The following ZNF410 variants were observed in gnomAD, a reference collection of about 807,000 sequenced individuals.
The protein encoded by ZNF410 is another partner for ARF 1.
In ZNF410, 18 loss-of-function variants were observed where a neutral mutation model predicts 54.8. That is an observed-to-expected ratio of 0.33 (90% CI 0.23 to 0.49). The LOEUF (loss-of-function observed/expected upper bound fraction) is 0.49, where lower values mean the gene tolerates loss of function less well. Among genes scored for constraint, ZNF410 ranks in the 20% least tolerant of loss-of-function variants. The probability of loss-of-function intolerance (pLI) is 0.99; values close to 1 mark genes in which losing one functional copy is unlikely to be tolerated. For missense variants in ZNF410, 405 were observed against 569.6 expected, an observed-to-expected ratio of 0.71 and a Z score of 2.94; for synonymous variants, 191 against 207.3, an observed-to-expected ratio of 0.92 and a Z score of 0.68.
chr14:73,905,968 C>CACACACACATATATAT (rs1461702433), intron 7 of ZNF410, among the ~76,000 whole-genome samples: 69 of 78,890 alleles, frequency 8.7e-4, no homozygotes, highest in African/African-American at 2.9e-3. Context: ...CACACACACA[C>CACACACACATATATAT]ATATATATAT....
chr14:73,906,286 G>C (rs1594754429), intron 7 of ZNF410: 1 of 151,590 alleles, frequency 6.6e-6, no homozygotes, highest in Non-Finnish European at 1.5e-5. Flanking sequence ...TTACAGGCTT[G>C]AGCCACTGTG....
chr14:73,931,721 C>A lies in ZNF410; in HGVS notation c.*180C>A. 1 of 619,978 alleles carries A rather than the reference C, an allele frequency of 1.6e-6. No homozygotes were observed. The allele number at this position is 619,978 out of a possible 1,614,324, so 38.4% of individuals were successfully genotyped here. A position where few individuals can be genotyped will look rare whatever the true frequency, so the allele number is the denominator to read the frequency against. On this transcript the variant is annotated 3_prime_UTR_variant, in exon 12 of 12. Coordinates refer to ENST00000555044, the MANE Select transcript of ZNF410 (RefSeq NM_021188.3). ...GGATGTAGGAGAGCTTCTTTTCTAA[C>A]TACCATCTGATCAGACAAGGAATGA...
At chr14:73,896,657 G>C in intron 4 of ZNF410, 123 bp downstream of exon 4, 1 of 752,992 alleles carries the variant, frequency 1.3e-6, no homozygotes, top group Non-Finnish European at 2.1e-6. Context: ...TTGGAGAATT[G>C]GTGTGTCTGG....
chr14:73,891,819 G>A, intron 1 of ZNF410: 1 of 566,664 alleles, frequency 1.8e-6, no homozygotes, highest in Non-Finnish European at 3.1e-6. Flanking sequence ...TAGATTATTA[G>A]AGGTTGAAAT....
chr14:73,892,301 G>A (rs1171630583), intron 2 of ZNF410, 93 bp downstream of exon 2: 2 of 1,200,016 alleles, frequency 1.7e-6, no homozygotes. Flanking sequence ...TTTCTTTAAT[G>A]GGCCAGATAA....
intron 5 of ZNF410, among the ~76,000 whole-genome samples, chr14:73,901,213 G>T (rs1322672448): frequency 6.6e-6 from 1 of 152,178 alleles, no homozygotes; most frequent in Non-Finnish European, 1.5e-5. Flanking sequence ...GGGAACATAG[G>T]CATCCACATT....
At chr14:73,923,635 A>C in intron 11 of ZNF410, 113 bp downstream of exon 11, 1 of 1,389,372 alleles carries the variant, frequency 7.2e-7, no homozygotes, top group Non-Finnish European at 9.8e-7. Flanking sequence ...TTTGGCACGA[A>C]TATTTTCCTT....
At chr14:73,928,642 G>C (rs1272371768) in intron 11 of ZNF410, among the ~76,000 whole-genome samples, 1 of 152,066 alleles carries the variant, frequency 6.6e-6, no homozygotes, top group East Asian at 1.9e-4. Flanking sequence ...GCATAACACA[G>C]GCTGCCTAAA....
intron 11 of ZNF410, among the ~76,000 whole-genome samples, chr14:73,924,509 T>G (rs775796723): frequency 2.6e-5 from 4 of 152,202 alleles, no homozygotes; most frequent in Admixed American, 6.5e-5. Flanking sequence ...TGCAAAGTGG[T>G]CAGTGTTTTA....
chr14:73,889,814 CG>C (rs2055198969), intron 1 of ZNF410, among the ~76,000 whole-genome samples: 3 of 114,790 alleles, frequency 2.6e-5, no homozygotes, highest in Admixed American at 1.9e-4. Flanking sequence ...TTTTTTTTCT[CG>C]ACACAGAGTC....
intron 11 of ZNF410, among the ~76,000 whole-genome samples, chr14:73,926,228 TAAC>T (rs1374972204): frequency 2.0e-5 from 3 of 152,212 alleles, no homozygotes; most frequent in Non-Finnish European, 4.4e-5. Flanking sequence ...CAAACAAAGA[TAAC>T]AATAATTTAT....
At chr14:73,920,730 T>G in intron 8 of ZNF410, 1 of 424,828 alleles carries the variant, frequency 2.4e-6, no homozygotes, top group Non-Finnish European at 4.3e-6. Context: ...AGAGGTTTTG[T>G]GAAGGCAGCA....
At position 73,909,706 on chromosome 14, in the gene ZNF410, A is replaced by G. The variant is rs2055548503; in HGVS notation, c.1003+276A>G. On this transcript the variant is annotated intron_variant, in intron 8 of 11. Transcript: ENST00000555044. Reference sequence around the variant, plus strand: ...TGTTTGGCACTCTGCTGGGTGCTTTATAAGTTACATAAAACATGGACCCTC... The same window carrying G: ...TGTTTGGCACTCTGCTGGGTGCTTTGTAAGTTACATAAAACATGGACCCTC... 4 of 287,876 alleles carry G rather than the reference A, an allele frequency of 1.4e-5. 1 individual carries two copies. The South Asian group carries it at 2.5e-4, about 18-fold the overall frequency. 17.8% of individuals were successfully genotyped at this position (287,876 alleles called of 1,614,324 possible). A position where few individuals can be genotyped will look rare whatever the true frequency, so the allele number is the denominator to read the frequency against.
chr14:73,909,810 C>T (rs1335164371), intron 8 of ZNF410, among the ~76,000 whole-genome samples: 1 of 152,186 alleles, frequency 6.6e-6, no homozygotes, highest in Non-Finnish European at 1.5e-5. Flanking sequence ...TAAGTTGTAG[C>T]AGCACCAGTA....
At chr14:73,922,397 TA>T in intron 10 of ZNF410, 191 bp downstream of exon 10, 1 of 442,210 alleles carries the variant, frequency 2.3e-6, no homozygotes, top group Non-Finnish European at 3.7e-6. Context: ...TCATTGAAGA[TA>T]ATATAATAAA....
chr14:73,904,659 A>G (rs944812169), intron 6 of ZNF410, among the ~76,000 whole-genome samples: 3 of 152,082 alleles, frequency 2.0e-5, no homozygotes, highest in East Asian at 1.9e-4. Flanking sequence ...GGGTCTCGCT[A>G]TGTTGCCCAA....
intron 1 of ZNF410, among the ~76,000 whole-genome samples, chr14:73,889,384 A>C (rs2055188664): frequency 6.8e-6 from 1 of 147,044 alleles, no homozygotes; most frequent in Admixed American, 7.0e-5. Flanking sequence ...ACTGGCTGAG[A>C]TCGCGCCACT....
Position 73,905,944 on chromosome 14 carries a change from T to TATAC in ZNF410, c.913+862_913+863insTACA, listed in dbSNP as rs1390428675. ...ATATATACACATACATACATATATATACACACACACACACACACACACACA... is the reference window on the plus strand; with the variant it reads ...ATATATACACATACATACATATATATATACACACACACACACACACACACACACA... On this transcript the variant is annotated intron_variant, in intron 7 of 11. Coordinates refer to ENST00000555044, the MANE Select transcript of ZNF410 (RefSeq NM_021188.3). 2.0e-4 allele frequency among the ~76,000 whole-genome samples: 15 copies of TATAC among 76,472 alleles called. No homozygotes were observed. The South Asian group carries it at 2.3e-3, about 12-fold the overall frequency. 50.2% of individuals were successfully genotyped at this position (76,472 alleles called of 152,430 possible).
chr14:73,923,596 A>T (rs373382128), intron 11 of ZNF410, 74 bp downstream of exon 11: 3 of 1,530,240 alleles, frequency 2.0e-6, no homozygotes, highest in East Asian at 4.7e-5. Flanking sequence ...AGGACCTGAA[A>T]AAGTCTCCAG....
Sources: allele counts gnomAD v4.1 joint callset (sites outside exome capture counted in the v4.1 genomes callset), GRCh38; gene constraint gnomAD v4.1.1; transcripts MANE v1.5; gene names NCBI Gene and HGNC (gene_info 2026-07-23, HGNC 2026-07-21).